FER: variants seen among roughly 807,000 people sequenced by gnomAD.
FER encodes the protein FER tyrosine kinase.
FER carries 63 observed loss-of-function variants against 111.0 expected under a neutral mutation model. The ratio of observed to expected loss-of-function variants is 0.57; its 90% confidence interval spans 0.46 to 0.70. The LOEUF (loss-of-function observed/expected upper bound fraction) is 0.70. FER is among the 30% of genes least tolerant of loss of function. The probability of loss-of-function intolerance (pLI) is 0.00; values close to 1 mark genes in which losing one functional copy is unlikely to be tolerated. For synonymous variants in FER, 327 were observed against 313.9 expected (o/e 1.04, Z -0.44); for missense variants, 914 against 954.0 (o/e 0.96, Z 0.55).
intron 13 of FER, among the ~76,000 whole-genome samples, chr5:108,999,598 A>T (rs1178897948): frequency 6.6e-6 from 1 of 152,086 alleles, no homozygotes; most frequent in Non-Finnish European, 1.5e-5. Context: ...GCATGTCGTT[A>T]ATTTTATTAG....
chr5:109,193,760 T>G lies in FER; in HGVS notation c.*6185T>G, dbSNP rs1759540299. On this transcript the variant is annotated 3_prime_UTR_variant, in exon 20 of 20. Transcript: ENST00000281092. ...CTTTACCAAAATAGTAAAGCCTTTA[T>G]CATCAGCTTATATTGAATAATGTTG... is the stretch of plus-strand genomic sequence containing the variant. The G allele has an allele frequency of 6.6e-6, 1 of 152,204 alleles. No individual in the cohort carries two copies. Among genetic ancestry groups the G allele is most frequent in the Non-Finnish European group, 1.5e-5 (1 of 68,042 alleles). The allele number at this position is 152,204 out of a possible 1,614,324, so 9.4% of individuals were successfully genotyped here.
chr5:109,158,078 T>TA (rs1482056003), intron 17 of FER, among the ~76,000 whole-genome samples: 1 of 151,908 alleles, frequency 6.6e-6, no homozygotes, highest in East Asian at 1.9e-4. Context: ...AACAGGCGTG[T>TA]ATCTATTTTT....
chr5:108,790,815 C>T (rs888941946), intron 2 of FER, among the ~76,000 whole-genome samples: 1 of 152,180 alleles, frequency 6.6e-6, no homozygotes, highest in Admixed American at 6.5e-5. Flanking sequence ...CCTAATTTCA[C>T]CCCACATTTG....
chr5:109,002,139 A>G (rs1311841498), intron 13 of FER, among the ~76,000 whole-genome samples: 1 of 151,282 alleles, frequency 6.6e-6, no homozygotes, highest in African/African-American at 2.4e-5. Flanking sequence ...GTTCATATGG[A>G]ACCAAAAAAG....
chr5:108,813,341 A>G (rs1757957119), intron 3 of FER, among the ~76,000 whole-genome samples: 1 of 152,056 alleles, frequency 6.6e-6, no homozygotes, highest in Non-Finnish European at 1.5e-5. Context: ...TAAGCAATTC[A>G]TTATGTGCCT....
At chr5:108,996,840 CA>C (rs1025401572) in intron 13 of FER, among the ~76,000 whole-genome samples, 1 of 152,090 alleles carries the variant, frequency 6.6e-6, no homozygotes, top group African/African-American at 2.4e-5. Context: ...TTAATCTATA[CA>C]TTACTTTGGG....
chr5:109,048,142 C>T (rs1427126607), intron 16 of FER, among the ~76,000 whole-genome samples: 8 of 151,766 alleles, frequency 5.3e-5, no homozygotes, highest in African/African-American at 1.7e-4. Context: ...ATTAAGTAAA[C>T]ATAATATTGT....
intron 3 of FER, among the ~76,000 whole-genome samples, chr5:108,829,750 C>G (rs1335473146): frequency 6.6e-6 from 1 of 152,156 alleles, no homozygotes; most frequent in Non-Finnish European, 1.5e-5. Context: ...CTCTTTCCCT[C>G]CCTCTTGTCT....
rs114705381 is a variant in FER at position 109,074,819 on chromosome 5, A to G, written c.1925-25577A>G. Among the ~76,000 whole-genome samples the G allele has an allele frequency of 2.0e-3, 309 of 152,360 alleles. 1 individual carries two copies. The highest frequency in any genetic ancestry group is 7.0e-3 in the African/African-American group (291 of 41,590). ...ATTTTTCAGATACAGTGTGTTTTGCAGTAAGTGACGTGAAAACCTAAGTAA... is the reference window on the plus strand; with the variant it reads ...ATTTTTCAGATACAGTGTGTTTTGCGGTAAGTGACGTGAAAACCTAAGTAA... On this transcript the variant is annotated intron_variant, in intron 16 of 19. Coordinates refer to ENST00000281092, the MANE Select transcript of FER (RefSeq NM_005246.4).
intron 15 of FER, among the ~76,000 whole-genome samples, chr5:109,044,997 T>TTCTTAA (rs1771743824): frequency 6.6e-6 from 1 of 152,088 alleles, no homozygotes; most frequent in Non-Finnish European, 1.5e-5. Context: ...TAAAAAGCAG[T>TTCTTAA]ATTATTCAAG....
chr5:109,126,345 G>C (rs1296115668), intron 17 of FER, among the ~76,000 whole-genome samples: 1 of 152,108 alleles, frequency 6.6e-6, no homozygotes, highest in African/African-American at 2.4e-5. Context: ...AGAAGGGCTA[G>C]AGCAACAGGA....
chr5:108,974,184 C>T (rs1761034284), intron 13 of FER, among the ~76,000 whole-genome samples: 1 of 152,070 alleles, frequency 6.6e-6, no homozygotes, highest in South Asian at 2.1e-4. Context: ...ACAATATTTG[C>T]CTCAAAAGAA....
intron 8 of FER, among the ~76,000 whole-genome samples, chr5:108,879,699 A>ATATAT (rs1165401708): frequency 4.9e-4 from 46 of 93,516 alleles, no homozygotes; most frequent in East Asian, 1.9e-3. Context: ...AGATTAAAAA[A>ATATAT]AAATATATAT....
chr5:108,749,893 C>CCTTCT (rs1338448230), intron 1 of FER, among the ~76,000 whole-genome samples: 3 of 152,304 alleles, frequency 2.0e-5, no homozygotes, highest in African/African-American at 7.2e-5. Context: ...GAGGATTGTA[C>CCTTCT]TATGAGGTGG....
chr5:109,027,059 A>G (rs1169942470), intron 13 of FER, among the ~76,000 whole-genome samples: 4 of 152,196 alleles, frequency 2.6e-5, no homozygotes, highest in Non-Finnish European at 4.4e-5. Flanking sequence ...TTAGAAATTC[A>G]TCTGCTACAG....
intron 18 of FER, among the ~76,000 whole-genome samples, chr5:109,182,928 A>C (rs1012418577): frequency 1.3e-5 from 2 of 151,944 alleles, no homozygotes; most frequent in East Asian, 3.9e-4. Flanking sequence ...TGCAACCTCA[A>C]CCTCCAGGGC....
chr5:108,845,057 T>C (rs1398124356), intron 5 of FER, among the ~76,000 whole-genome samples: 7 of 55,140 alleles, frequency 1.3e-4, no homozygotes, highest in African/African-American at 4.4e-4. Flanking sequence ...TATATATATA[T>C]ATATATATAT....
intron 13 of FER, among the ~76,000 whole-genome samples, chr5:108,993,617 A>AGGGCGAGGGCGAGGGCG (rs1561737107): frequency 9.5e-6 from 1 of 104,936 alleles, no homozygotes; most frequent in African/African-American, 3.7e-5. Flanking sequence ...GGGAGAGGGC[A>AGGGCGAGGGCGAGGGCG]AGGGCGAGGG....
chr5:108,921,632 C>CT (rs1353806255), intron 10 of FER, among the ~76,000 whole-genome samples: 1 of 151,968 alleles, frequency 6.6e-6, no homozygotes, highest in East Asian at 1.9e-4. Context: ...TTCTTAGAGT[C>CT]TTTTTTTATG....
Sources: gnomAD v4.1 joint callset for allele counts (sites outside exome capture counted in the v4.1 genomes callset) on GRCh38, gnomAD v4.1.1 for gene constraint, MANE v1.5 for transcripts, NCBI Gene and HGNC (gene_info 2026-07-23, HGNC 2026-07-21) for gene names.